MYOM3: variants seen among roughly 807,000 people sequenced by gnomAD.
MYOM3 encodes myomesin 3, also known as myomesin-3.
MYOM3 carries 155 observed loss-of-function variants against 191.7 expected under a neutral mutation model. The ratio of observed to expected loss-of-function variants is 0.81; its 90% confidence interval spans 0.71 to 0.92. MYOM3 has a LOEUF of 0.92. Ranked by LOEUF, MYOM3 falls within the 40% of genes least tolerant of loss-of-function variation. The probability of loss-of-function intolerance (pLI) is 0.00; values close to 1 mark genes in which losing one functional copy is unlikely to be tolerated. For synonymous variants in MYOM3, 757 were observed against 762.9 expected (o/e 0.99, Z 0.13); for missense variants, 1,889 against 1,890.6 (o/e 1.00, Z 0.02).
intron 1 of MYOM3, among the ~76,000 whole-genome samples, chr1:24,110,677 G>A (rs554373726): frequency 2.0e-5 from 3 of 152,156 alleles, no homozygotes; most frequent in Admixed American, 6.5e-5. Context: ...GCCCCCTAAA[G>A]CTCCCTGGGC....
At chr1:24,097,315 G>A (rs1197484265) in intron 7 of MYOM3, among the ~76,000 whole-genome samples, 1 of 152,180 alleles carries the variant, frequency 6.6e-6, no homozygotes, top group Non-Finnish European at 1.5e-5. Flanking sequence ...TTGGCATGGC[G>A]GGCAGGTGGG....
rs1411435819 is a variant in MYOM3, at chr1:24,094,924, T to C, written c.857A>G (p.Glu286Gly). The C allele has an allele frequency of 1.2e-6, 2 of 1,613,230 alleles. No homozygotes were observed. The highest frequency in any genetic ancestry group is 1.7e-6 in the Non-Finnish European group (2 of 1,179,296). Reference protein sequence around the residue: ...VLKPVFAREKEPFSLSCLFSE... With the variant: ...VLKPVFAREKGPFSLSCLFSE... ...AAACAAGCATGACAGGGAGAAGGGT[T>C]CCTTCTCACGAGCAAAGACTGGCTT... The change falls in exon 9 of 37, where the codon GAA (glutamate) becomes GGA (glycine). Residue 286 changes from glutamate (E) to glycine (G), a missense_variant. Coordinates refer to ENST00000374434, the MANE Select transcript of MYOM3 (RefSeq NM_152372.4).
At chr1:24,072,571 G>T (rs1377988276) in intron 23 of MYOM3, among the ~76,000 whole-genome samples, 6 of 152,022 alleles carry the variant, frequency 3.9e-5, no homozygotes, top group Non-Finnish European at 7.4e-5. Flanking sequence ...TTTCACTCTT[G>T]TTGCCCAGGC....
chr1:24,061,326 G>A lies in MYOM3; in HGVS notation c.3935-17C>T, dbSNP rs1570849627. Reference sequence around the variant, plus strand: ...CCTCAAAAGCTATAAGAAGGACAGAGGAGAATGGGGGCCATCAGGGCCTCT... The same window carrying A: ...CCTCAAAAGCTATAAGAAGGACAGAAGAGAATGGGGGCCATCAGGGCCTCT... On this transcript the variant is annotated splice_polypyrimidine_tract_variant and intron_variant, in intron 33 of 36. Coordinates refer to ENST00000374434, the MANE Select transcript of MYOM3 (RefSeq NM_152372.4). The A allele has an allele frequency of 1.9e-6, 3 of 1,613,730 alleles. No homozygotes were observed. The East Asian group carries it at 6.7e-5, about 36-fold the overall frequency.
Position 24,111,314 on chromosome 1 carries a change from C to T in MYOM3, c.-19+717G>A, listed in dbSNP as rs770374979. ...CTCCATCTGCCGAGGAGGCCTCTCC[C>T]CTTCTTCAGGAGGGAAAGAGGAATG... On this transcript the variant is annotated intron_variant, in intron 1 of 36. Transcript: ENST00000374434. The surrounding 1 kb of genome is among the most constrained non-coding windows in gnomAD (Gnocchi z 4.7). Among the ~76,000 whole-genome samples the T allele has an allele frequency of 3.3e-5, 5 of 152,232 alleles. No individual in the cohort carries two copies. Among genetic ancestry groups the T allele is most frequent in the Admixed American group, 6.5e-5 (1 of 15,286 alleles).
At chr1:24,095,520 G>T (rs1643874328) in intron 7 of MYOM3, 34 bp from the exon 8 acceptor site, 1 of 1,597,558 alleles carries the variant, frequency 6.3e-7, no homozygotes, top group Non-Finnish European at 8.6e-7. Context: ...GTTGGAGAAG[G>T]TTCAGAGCCC....
At chr1:24,067,171 G>C in intron 27 of MYOM3, 83 bp from the exon 28 acceptor site, 1 of 1,361,050 alleles carries the variant, frequency 7.3e-7, no homozygotes, top group Non-Finnish European at 1.0e-6. Flanking sequence ...GTGCTGGGGG[G>C]AGGGACAGCT....
rs1643810407 is a variant in MYOM3 at position 24,090,853 on chromosome 1, G to A, written c.1376C>T (p.Ser459Phe). 3 of 1,614,106 alleles carry A rather than the reference G, an allele frequency of 1.9e-6. No individual in the cohort carries two copies. Among genetic ancestry groups the A allele is most frequent in the Non-Finnish European group, 1.7e-6 (2 of 1,180,000 alleles). ...CATGACAACCAACTCTGAGGCCTTG[G>A]AGGGGACGCTGCTGCCTACCCTGCT... is the stretch of plus-strand genomic sequence containing the variant. ...AISRVGSSVPSKASELVVMGD... is the reference protein window; with the variant it reads ...AISRVGSSVPFKASELVVMGD... Residue 459 changes from serine (S) to phenylalanine (F), a missense_variant, in exon 12 of 37, where the codon TCC becomes TTC. Coordinates refer to ENST00000374434, the MANE Select transcript of MYOM3 (RefSeq NM_152372.4).
intron 7 of MYOM3, among the ~76,000 whole-genome samples, chr1:24,096,851 C>T (rs912557489): frequency 6.6e-6 from 1 of 152,230 alleles, no homozygotes; most frequent in East Asian, 1.9e-4. Flanking sequence ...GTGCCCTGCC[C>T]TGGTCATGGG....
intron 4 of MYOM3, 48 bp downstream of exon 4, chr1:24,107,025 G>C (rs1463056768): frequency 6.5e-7 from 1 of 1,534,844 alleles, no homozygotes; most frequent in Admixed American, 1.9e-5. Flanking sequence ...GCAGCAAGTG[G>C]TGCGTCGCAG....
At chr1:24,097,891 C>G (rs770930386) in intron 7 of MYOM3, 32 bp downstream of exon 7, 2 of 1,452,642 alleles carry the variant, frequency 1.4e-6, no homozygotes, top group South Asian at 2.3e-5. Flanking sequence ...TTGCTGTGGC[C>G]CGGAGTGCCT....
At chr1:24,066,929 G>A in intron 28 of MYOM3, 92 bp downstream of exon 28, 2 of 1,194,358 alleles carry the variant, frequency 1.7e-6, no homozygotes, top group Non-Finnish European at 2.4e-6. Flanking sequence ...TGGAATTTAG[G>A]GGGCCGGGTG....
In MYOM3 at chr1:24,074,142, G is replaced by T. The variant is rs779193742; in HGVS notation, c.2968+18C>A. On this transcript the variant is annotated intron_variant, in intron 23 of 36. Transcript: ENST00000374434. Reference sequence around the variant, plus strand: ...TCTCTCTCTGGGGAGGTGGCAGGGAGCGGGGTAGGTGCATTACCTTCCTCG... The same window carrying T: ...TCTCTCTCTGGGGAGGTGGCAGGGATCGGGGTAGGTGCATTACCTTCCTCG... 7 of 1,584,214 alleles carry T rather than the reference G, an allele frequency of 4.4e-6. No individual in the cohort carries two copies. The highest frequency in any genetic ancestry group is 3.3e-5 in the South Asian group (3 of 90,092).
At chr1:24,080,701 G>A (rs1643656733) in intron 19 of MYOM3, among the ~76,000 whole-genome samples, 1 of 152,146 alleles carries the variant, frequency 6.6e-6, no homozygotes, top group South Asian at 2.1e-4. Context: ...AAAGTGTTTG[G>A]TACCTAGTAA....
intron 5 of MYOM3, among the ~76,000 whole-genome samples, chr1:24,101,072 T>G (rs1483282313): frequency 1.3e-5 from 2 of 152,102 alleles, no homozygotes; most frequent in Non-Finnish European, 2.9e-5. Flanking sequence ...GCCATATGAC[T>G]TAGCATTGTC....
At position 24,071,276 on chromosome 1, in the gene MYOM3, G is replaced by T. The variant is rs187920911; in HGVS notation, c.3014-23C>A. 6.6e-5 allele frequency: 106 copies of T among 1,597,934 alleles called. No individual in the cohort carries two copies. In the East Asian group the frequency reaches 6.8e-4, roughly 10 times the overall value. On this transcript the variant is annotated intron_variant, in intron 24 of 36. Coordinates refer to ENST00000374434, the MANE Select transcript of MYOM3 (RefSeq NM_152372.4). ...TCACTGGGAGGCGCAGGACGGGAAG[G>T]GGGTGGGTTGGACCCCTTCTCCCTT... is the stretch of plus-strand genomic sequence containing the variant.
At chr1:24,075,503 C>T (rs149629187) in intron 21 of MYOM3, 28 bp from the exon 22 acceptor site, 21 of 1,533,498 alleles carry the variant, frequency 1.4e-5, no homozygotes, top group African/African-American at 4.2e-5. Context: ...CAGAGGGCAG[C>T]GGATGTTTAT....
intron 7 of MYOM3, among the ~76,000 whole-genome samples, chr1:24,096,823 G>T (rs557750748): frequency 3.3e-4 from 50 of 152,346 alleles, no homozygotes; most frequent in African/African-American, 1.2e-3. Flanking sequence ...GGGCCCAAAG[G>T]TGTGACCCCC....
At chr1:24,104,911 C>T (rs892325339) in intron 5 of MYOM3, among the ~76,000 whole-genome samples, 3 of 152,192 alleles carry the variant, frequency 2.0e-5, no homozygotes, top group Non-Finnish European at 4.4e-5. Context: ...TTGTTGAAAG[C>T]CCTTCCTCAT....
Sources: allele counts gnomAD v4.1 joint callset (sites outside exome capture counted in the v4.1 genomes callset), GRCh38; gene constraint gnomAD v4.1.1; non-coding constraint Gnocchi (gnomAD v3.1); transcripts MANE v1.5; gene names NCBI Gene and HGNC (gene_info 2026-07-23, HGNC 2026-07-21).